Variants in IFT80 observed in about 807,000 individuals in gnomAD.
The protein encoded by IFT80 is intraflagellar transport 80, also known as intraflagellar transport protein 80 homolog.
A neutral mutation model predicts 107.9 loss-of-function variants in IFT80; 79 were observed. That is an observed-to-expected ratio of 0.73 (90% CI 0.61 to 0.88). The LOEUF is 0.88. Among genes scored for constraint, IFT80 ranks in the 40% least tolerant of loss-of-function variants. IFT80 has a pLI of 0.00. For missense variants in IFT80, 797 were observed against 914.2 expected (o/e 0.87, Z 1.65); for synonymous variants, 299 against 300.9 (o/e 0.99, Z 0.07).
At position 160,356,169 on chromosome 3, in the gene IFT80, A is replaced by C; in HGVS notation, c.640-19T>G. On this transcript the variant is annotated intron_variant, in intron 7 of 19. Coordinates refer to ENST00000326448, the MANE Select transcript of IFT80 (RefSeq NM_020800.3). ...CCCATACCTACAAAAGCAATTTTTA[A>C]AAATCTTTTATAATATCAGGGAGAA... 6.2e-7 allele frequency: 1 copy of C among 1,609,548 alleles called. No individual in the cohort carries two copies. Among genetic ancestry groups the C allele is most frequent in the Non-Finnish European group, 8.5e-7 (1 of 1,177,180 alleles).
At chr3:160,272,416 G>C (rs1222977064) in intron 18 of IFT80, among the ~76,000 whole-genome samples, 1 of 152,064 alleles carries the variant, frequency 6.6e-6, no homozygotes, top group Non-Finnish European at 1.5e-5. Context: ...TAAATGGTAG[G>C]GTAAGGGTAG....
At chr3:160,333,087 A>G (rs1719201468) in intron 8 of IFT80, among the ~76,000 whole-genome samples, 1 of 152,234 alleles carries the variant, frequency 6.6e-6, no homozygotes, top group Non-Finnish European at 1.5e-5. Flanking sequence ...TGAATACTAT[A>G]GGAAACTGTC....
intron 19 of IFT80, among the ~76,000 whole-genome samples, chr3:160,260,385 T>C (rs776675641): frequency 1.3e-5 from 2 of 152,216 alleles, no homozygotes; most frequent in Non-Finnish European, 2.9e-5. Flanking sequence ...AAGACGAAAC[T>C]TGATGGATGC....
chr3:160,384,535 A>C, intron 2 of IFT80, 29 bp downstream of exon 2: 2 of 1,419,568 alleles, frequency 1.4e-6, no homozygotes, highest in South Asian at 1.3e-5. Context: ...AAGAAAATCC[A>C]ATAAGATTTA....
chr3:160,396,897 A>G (rs1713821230), intron 1 of IFT80, among the ~76,000 whole-genome samples: 1 of 152,182 alleles, frequency 6.6e-6, no homozygotes, highest in African/African-American at 2.4e-5. Flanking sequence ...TCCAGATTTA[A>G]GTCTACTCTG....
intron 12 of IFT80, among the ~76,000 whole-genome samples, chr3:160,290,299 T>C (rs1435321512): frequency 2.0e-5 from 3 of 151,520 alleles, no homozygotes; most frequent in African/African-American, 7.3e-5. Flanking sequence ...TCCTAGCTAT[T>C]CAGGAGGCTG....
intron 18 of IFT80, among the ~76,000 whole-genome samples, chr3:160,275,611 T>A (rs542027580): frequency 6.6e-6 from 1 of 152,254 alleles, no homozygotes; most frequent in Non-Finnish European, 1.5e-5. Flanking sequence ...CCTAATTAGG[T>A]TACAAGCTTT....
At position 160,277,487 on chromosome 3, in the gene IFT80, G is replaced by A; in HGVS notation, c.1927-9C>T. On this transcript the variant is annotated splice_polypyrimidine_tract_variant and intron_variant, in intron 17 of 19. Transcript: ENST00000326448. ...TACTGAACCTTATCAATCTAAAAAA[G>A]AAAAGAAAAATATTGAAGTAGATAG... The A allele has an allele frequency of 6.3e-7, 1 of 1,597,368 alleles. No individual in the cohort carries two copies. Among genetic ancestry groups the A allele is most frequent in the Non-Finnish European group, 8.6e-7 (1 of 1,165,970 alleles).
At chr3:160,356,258 T>A in intron 7 of IFT80, 108 bp from the exon 8 acceptor site, 1 of 935,410 alleles carries the variant, frequency 1.1e-6, no homozygotes, top group Non-Finnish European at 1.6e-6. Context: ...AGACACCACA[T>A]AAAAACAAGT....
intron 4 of IFT80, 28 bp downstream of exon 4, chr3:160,377,402 T>C: frequency 7.7e-7 from 1 of 1,303,666 alleles, no homozygotes. Flanking sequence ...AATATTCATT[T>C]CAAATGTCAT....
intron 8 of IFT80, among the ~76,000 whole-genome samples, chr3:160,329,146 G>A (rs1443312774): frequency 6.6e-6 from 1 of 152,058 alleles, no homozygotes; most frequent in Non-Finnish European, 1.5e-5. Context: ...GTGTACCCCT[G>A]AACTTAAAAT....
chr3:160,290,234 C>G (rs1012608864), intron 12 of IFT80, among the ~76,000 whole-genome samples: 1 of 151,630 alleles, frequency 6.6e-6, no homozygotes, highest in Non-Finnish European at 1.5e-5. Flanking sequence ...TGGTGAAACC[C>G]CGTCTCCCCT....
At chr3:160,288,636 T>A (rs1354257283) in intron 12 of IFT80, among the ~76,000 whole-genome samples, 1 of 151,510 alleles carries the variant, frequency 6.6e-6, no homozygotes, top group African/African-American at 2.4e-5. Context: ...CTTAACAAAT[T>A]TACAAGAAAA....
At chr3:160,309,409 C>T (rs920460356) in intron 9 of IFT80, among the ~76,000 whole-genome samples, 1 of 151,936 alleles carries the variant, frequency 6.6e-6, no homozygotes, top group Non-Finnish European at 1.5e-5. Context: ...TGAAAAAATG[C>T]GCTAGGTGTG....
chr3:160,393,553 C>T (rs1713543215), intron 1 of IFT80, among the ~76,000 whole-genome samples: 1 of 152,030 alleles, frequency 6.6e-6, no homozygotes, highest in African/African-American at 2.4e-5. Context: ...TCAATGGGTA[C>T]AGTTTCAGTT....
intron 12 of IFT80, among the ~76,000 whole-genome samples, chr3:160,296,375 C>T (rs1210374677): frequency 6.6e-6 from 1 of 152,128 alleles, no homozygotes; most frequent in Non-Finnish European, 1.5e-5. Flanking sequence ...GTCCTCACCA[C>T]ATACATTCTA....
intron 10 of IFT80, among the ~76,000 whole-genome samples, chr3:160,306,586 A>G (rs7426572): frequency 1 from 150,709 of 150,890 alleles, 75,264 homozygotes; most frequent in African/African-American, 1. Context: ...TCATGTAAGG[A>G]AAAAAAAAAA....
At chr3:160,289,712 A>G (rs1715382298) in intron 12 of IFT80, among the ~76,000 whole-genome samples, 3 of 152,236 alleles carry the variant, frequency 2.0e-5, no homozygotes, top group Non-Finnish European at 4.4e-5. Flanking sequence ...AGATGGCAAC[A>G]AGAAACCTGA....
chr3:160,303,341 A>T (rs1716580796), intron 11 of IFT80, among the ~76,000 whole-genome samples: 1 of 152,158 alleles, frequency 6.6e-6, no homozygotes, highest in South Asian at 2.1e-4. Context: ...AGCTATTCCT[A>T]ATTTACTCCA....
Sources: gnomAD v4.1 joint callset for allele counts (sites outside exome capture counted in the v4.1 genomes callset) on GRCh38, gnomAD v4.1.1 for gene constraint, MANE v1.5 for transcripts, NCBI Gene and HGNC (gene_info 2026-07-23, HGNC 2026-07-21) for gene names.